Variants in DMD observed in about 807,000 individuals in gnomAD.
DMD encodes the protein dystrophin, also known as mutant dystrophin.
DMD carries 63 observed loss-of-function variants against 330.1 expected under a neutral mutation model. The observed-to-expected ratio is 0.19, with a 90% CI of 0.16 to 0.24. DMD has a LOEUF of 0.24. Ranked by LOEUF, DMD falls within the 10% of genes least tolerant of loss-of-function variation. The pLI, the probability that DMD is intolerant of heterozygous loss-of-function variation, is 1.00. For synonymous variants in DMD, 1,223 were observed against 959.8 expected (o/e 1.27, Z -5.07); for missense variants, 3,344 against 2,684.1 (o/e 1.25, Z -5.43).
intron 18 of DMD, among the ~76,000 whole-genome samples, chrX:32,514,973 A>G (rs1220929588): frequency 8.9e-6 from 1 of 112,068 alleles, no homozygotes; most frequent in Non-Finnish European, 1.9e-5. Context: ...ATAAAATGGT[A>G]GATAAGAGAT....
chrX:32,858,108 G>A lies in DMD; in HGVS notation c.94-8288C>T, dbSNP rs191693823. Among the ~76,000 whole-genome samples, 435 of 111,110 alleles carry A rather than the reference G, an allele frequency of 3.9e-3. 4 individuals carry two copies. Among genetic ancestry groups the A allele is most frequent in the African/African-American group, 0.014 (423 of 30,543 alleles). Reference sequence around the variant, plus strand: ...CACAATTGAAATCCAATTTCTATTAGTCATATTCACCATATTCTCTAATAG... The same window carrying A: ...CACAATTGAAATCCAATTTCTATTAATCATATTCACCATATTCTCTAATAG... On this transcript the variant is annotated intron_variant, in intron 2 of 78. Coordinates refer to ENST00000357033, the MANE Select transcript of DMD (RefSeq NM_004006.3).
At chrX:31,312,008 A>G (rs772361059) in intron 62 of DMD, among the ~76,000 whole-genome samples, 2 of 112,127 alleles carry the variant, frequency 1.8e-5, no homozygotes, top group East Asian at 5.6e-4. Context: ...AAACCCTAGA[A>G]GGAAACCTAG....
chrX:31,400,901 C>T (rs1178003408), intron 60 of DMD, among the ~76,000 whole-genome samples: 2 of 111,712 alleles, frequency 1.8e-5, no homozygotes, highest in East Asian at 2.8e-4. Flanking sequence ...AGAGAAGTGA[C>T]GTTTCTCTTT....
intron 37 of DMD, 102 bp downstream of exon 37, chrX:32,362,686 G>C (rs1006603387): frequency 1.1e-4 from 110 of 962,067 alleles, no homozygotes; most frequent in Non-Finnish European, 1.5e-4. Flanking sequence ...TTTTCCTTTT[G>C]AAAACCTTGC....
At chrX:32,883,280 C>T (rs949730855) in intron 2 of DMD, among the ~76,000 whole-genome samples, 1 of 111,840 alleles carries the variant, frequency 8.9e-6, no homozygotes, top group African/African-American at 3.2e-5. Context: ...ATTTCAGGCA[C>T]TGAACGGCAA....
chrX:33,051,540 A>C (rs1365464088), intron 1 of DMD, among the ~76,000 whole-genome samples: 2 of 109,469 alleles, frequency 1.8e-5, no homozygotes, highest in Non-Finnish European at 3.8e-5. Flanking sequence ...CCACAGGTAA[A>C]TGTTAGTTTT....
chrX:32,507,670 C>T (rs780874426), intron 18 of DMD, among the ~76,000 whole-genome samples: 54 of 111,450 alleles, frequency 4.8e-4, no homozygotes, highest in African/African-American at 1.6e-3. Context: ...GGAAGTGAGG[C>T]ACAGAGAGGT....
intron 63 of DMD, among the ~76,000 whole-genome samples, chrX:31,240,248 A>G (rs2048115759): frequency 8.9e-6 from 1 of 111,976 alleles, no homozygotes; most frequent in African/African-American, 3.2e-5. Flanking sequence ...ATAGCATCAA[A>G]GAACAGAACA....
intron 1 of DMD, among the ~76,000 whole-genome samples, chrX:33,153,241 T>C (rs1192732452): frequency 8.9e-6 from 1 of 112,577 alleles, no homozygotes; most frequent in African/African-American, 3.2e-5. Flanking sequence ...AGAAACCCCG[T>C]TTCTATTAAA....
At chrX:31,451,834 T>TA (rs2065777011) in intron 59 of DMD, among the ~76,000 whole-genome samples, 1 of 100,493 alleles carries the variant, frequency 1.0e-5, no homozygotes, top group African/African-American at 3.9e-5. Flanking sequence ...GAAACGTACT[T>TA]TAAAAAAAAA....
chrX:32,561,779 G>A (rs1013036570), intron 16 of DMD, among the ~76,000 whole-genome samples: 1 of 111,479 alleles, frequency 9.0e-6, no homozygotes, highest in East Asian at 2.8e-4. Flanking sequence ...AAATGTTAAG[G>A]ACAGCCAGAG....
chrX:32,571,120 A>G (rs1278777982), intron 15 of DMD, among the ~76,000 whole-genome samples: 1 of 111,472 alleles, frequency 9.0e-6, no homozygotes, highest in Admixed American at 9.5e-5. Context: ...ACTGACCATC[A>G]CCATTATGAT....
At chrX:33,010,442 G>C (rs1372897746) in intron 2 of DMD, among the ~76,000 whole-genome samples, 1 of 108,762 alleles carries the variant, frequency 9.2e-6, no homozygotes, top group Admixed American at 9.9e-5. Flanking sequence ...AATCCAAAAT[G>C]CTCCCAAATC....
chrX:31,578,296 G>T (rs1311264213), intron 55 of DMD, among the ~76,000 whole-genome samples: 2 of 111,857 alleles, frequency 1.8e-5, no homozygotes, highest in Non-Finnish European at 3.8e-5. Context: ...GATTGATGCT[G>T]AGAGAAGTTA....
intron 2 of DMD, among the ~76,000 whole-genome samples, chrX:33,002,338 G>T (rs2093299334): frequency 9.0e-6 from 1 of 111,393 alleles, no homozygotes; most frequent in African/African-American, 3.3e-5. Flanking sequence ...AAAAGTACAT[G>T]CCATAGTGTG....
At chrX:31,959,582 C>T (rs2095280124) in intron 45 of DMD, among the ~76,000 whole-genome samples, 1 of 111,218 alleles carries the variant, frequency 9.0e-6, no homozygotes, top group Admixed American at 9.6e-5. Flanking sequence ...AAGCATATTA[C>T]TTTTTGCATA....
chrX:31,667,904 C>T (rs768048720), intron 53 of DMD, among the ~76,000 whole-genome samples: 1 of 111,688 alleles, frequency 9.0e-6, no homozygotes, highest in East Asian at 2.8e-4. Context: ...GTGAAAATTC[C>T]AAGCATTCTT....
At chrX:31,832,624 C>T (rs1032276952) in intron 49 of DMD, among the ~76,000 whole-genome samples, 5 of 112,328 alleles carry the variant, frequency 4.5e-5, no homozygotes. Context: ...GTTCCTCACA[C>T]CTTTTTCTGT....
chrX:33,086,760 C>A (rs1381898500), intron 1 of DMD, among the ~76,000 whole-genome samples: 3 of 107,731 alleles, frequency 2.8e-5, no homozygotes, highest in African/African-American at 6.7e-5. Context: ...TATATACACA[C>A]AAATATCTGT....
Sources: gnomAD v4.1 joint callset for allele counts (sites outside exome capture counted in the v4.1 genomes callset) on GRCh38, gnomAD v4.1.1 for gene constraint, MANE v1.5 for transcripts, NCBI Gene and HGNC (gene_info 2026-07-23, HGNC 2026-07-21) for gene names.